Variants in USP14 observed in about 807,000 individuals in gnomAD.
USP14 encodes the protein ubiquitin specific peptidase 14, also known as ubiquitin carboxyl-terminal hydrolase 14.
A neutral mutation model predicts 76.5 loss-of-function variants in USP14; 38 were observed. The observed-to-expected ratio is 0.50, with a 90% CI of 0.38 to 0.65. USP14 has a LOEUF of 0.65. Among genes scored for constraint, USP14 ranks in the 30% least tolerant of loss-of-function variants. USP14 has a pLI of 0.00. For synonymous variants in USP14, 192 were observed against 191.7 expected (o/e 1.00, Z -0.01); for missense variants, 467 against 586.5 (o/e 0.80, Z 2.10).
At chr18:172,045 A>T (rs543716057) in intron 3 of USP14, among the ~76,000 whole-genome samples, 2 of 152,306 alleles carry the variant, frequency 1.3e-5, no homozygotes, top group Admixed American at 1.3e-4. Flanking sequence ...GTTTGAGACC[A>T]GCCTGGGCAA....
rs556281943 is a variant in USP14 at position 204,919 on chromosome 18, T to G, written c.1164+227T>G. Among the ~76,000 whole-genome samples the G allele has an allele frequency of 6.9e-3, 1,039 of 151,550 alleles. 7 individuals carry two copies. The highest frequency in any genetic ancestry group is 0.011 in the Non-Finnish European group (779 of 67,872). ...TTTTATTTTCCTTTTTTTTTTTTTG[T>G]GACAAGGTCTTCCTTTGTCACTCAG... On this transcript the variant is annotated intron_variant, in intron 13 of 15. Transcript: ENST00000261601.
At chr18:173,001 A>G (rs1909507549) in intron 3 of USP14, among the ~76,000 whole-genome samples, 1 of 151,876 alleles carries the variant, frequency 6.6e-6, no homozygotes, top group African/African-American at 2.4e-5. Context: ...GATTTGTACT[A>G]TGTTGTAAGA....
chr18:165,157 G>A (rs1372631867), intron 2 of USP14, among the ~76,000 whole-genome samples: 4 of 151,798 alleles, frequency 2.6e-5, no homozygotes, highest in African/African-American at 7.3e-5. Context: ...CCATGTTGGC[G>A]CTGGTCTCGA....
At chr18:189,117 T>C (rs980939375) in intron 5 of USP14, among the ~76,000 whole-genome samples, 1 of 152,082 alleles carries the variant, frequency 6.6e-6, no homozygotes, top group Non-Finnish European at 1.5e-5. Context: ...TTTTTTTTTG[T>C]ATTTTTATTT....
intron 2 of USP14, among the ~76,000 whole-genome samples, chr18:164,989 CAG>C (rs1294436355): frequency 9.9e-5 from 15 of 152,114 alleles, no homozygotes; most frequent in African/African-American, 2.7e-4. Context: ...CTCTGTCACT[CAG>C]GGGCTGGAGT....
At chr18:165,376 G>A (rs529085197) in intron 2 of USP14, among the ~76,000 whole-genome samples, 62 of 152,244 alleles carry the variant, frequency 4.1e-4, no homozygotes, top group African/African-American at 1.4e-3. Context: ...TAAAACACAC[G>A]TTGGAGGAAA....
intron 10 of USP14, among the ~76,000 whole-genome samples, chr18:202,426 T>G (rs1024343095): frequency 6.6e-6 from 1 of 152,236 alleles, no homozygotes; most frequent in African/African-American, 2.4e-5. Context: ...TTCTGTGTTA[T>G]GACTTTTTTC....
Position 180,311 on chromosome 18 carries a change from G to C in USP14, c.376G>C (p.Val126Leu). The change falls in exon 5 of 16, where the codon GTG becomes CTG. Residue 126 changes from valine to leucine, a missense_variant. By Grantham distance (32) the Val-to-Leu change is conservative (BLOSUM62 1). Transcript: ENST00000261601. ...MNATVQCIRSVPELKDALKRY... is the reference protein window; with the variant it reads ...MNATVQCIRSLPELKDALKRY... ...TGCCACAGTTCAGTGTATTCGTTCT[G>C]TGCCTGAACTCAAAGATGCCCTTAA... 1.3e-6 allele frequency: 2 copies of C among 1,588,182 alleles called. No individual in the cohort carries two copies. Among genetic ancestry groups the C allele is most frequent in the Non-Finnish European group, 1.7e-6 (2 of 1,173,398 alleles).
intron 6 of USP14, among the ~76,000 whole-genome samples, chr18:194,773 A>G (rs1234870637): frequency 1.3e-5 from 2 of 152,124 alleles, no homozygotes; most frequent in Non-Finnish European, 2.9e-5. Context: ...TCTACTAAAA[A>G]TGCAAAAATT....
chr18:196,139 G>A (rs1171909878), intron 6 of USP14, among the ~76,000 whole-genome samples: 1 of 151,904 alleles, frequency 6.6e-6, no homozygotes, highest in African/African-American at 2.4e-5. Context: ...TGGCCAACAT[G>A]GTGAAACCCT....
chr18:158,883 G>A, intron 1 of USP14, 169 bp downstream of exon 1: 1 of 1,115,436 alleles, frequency 9.0e-7, no homozygotes, highest in Non-Finnish European at 1.1e-6. Context: ...TCCCGGCTGG[G>A]TCGGAGCCCT....
chr18:166,863 A>C (rs368615666), intron 3 of USP14, 44 bp downstream of exon 3: 1 of 1,556,872 alleles, frequency 6.4e-7, no homozygotes, highest in Non-Finnish European at 8.8e-7. Flanking sequence ...CAGTAACCTC[A>C]TTATGATACC....
intron 10 of USP14, among the ~76,000 whole-genome samples, chr18:201,532 G>A (rs1486030151): frequency 6.6e-6 from 1 of 152,202 alleles, no homozygotes; most frequent in African/African-American, 2.4e-5. Context: ...TGATACCGAG[G>A]GGAGAGTTTT....
chr18:185,414 C>G (rs977765464), intron 5 of USP14, among the ~76,000 whole-genome samples: 1 of 152,120 alleles, frequency 6.6e-6, no homozygotes, highest in African/African-American at 2.4e-5. Flanking sequence ...CTCAGCCTCC[C>G]AAAGTGCTGG....
intron 3 of USP14, among the ~76,000 whole-genome samples, chr18:174,609 C>CTT (rs112640574): frequency 3.7e-5 from 5 of 134,782 alleles, no homozygotes; most frequent in African/African-American, 1.4e-4. Context: ...ACTTTTCTTT[C>CTT]TTTTTTTTTT....
intron 3 of USP14, among the ~76,000 whole-genome samples, chr18:169,063 C>T (rs1226784015): frequency 2.0e-5 from 3 of 148,402 alleles, no homozygotes; most frequent in Non-Finnish European, 4.4e-5. Flanking sequence ...GGCAACAGAG[C>T]GAGACTCCAT....
In USP14 at chr18:212,430, CCT is replaced by C. The variant is rs1291865767; in HGVS notation, c.*1147_*1148del. ...GACCAGCCTGGCCACATGGTGAAAC[CCT>C]GTCTCTACTAAAGATATAAAAATTA... On this transcript the variant is annotated 3_prime_UTR_variant, in exon 16 of 16. Coordinates refer to ENST00000261601, the MANE Select transcript of USP14 (RefSeq NM_005151.4). The C allele has an allele frequency of 6.6e-6, 1 of 152,074 alleles. No individual in the cohort carries two copies. Among genetic ancestry groups the C allele is most frequent in the Non-Finnish European group, 1.5e-5 (1 of 68,052 alleles). The allele number at this position is 152,074 out of a possible 1,614,324, so 9.4% of individuals were successfully genotyped here.
chr18:213,138 C>T lies in USP14; in HGVS notation c.*1854C>T, dbSNP rs926702500. ...ATGATTCATGTATATTTGTATGATG[C>T]TTGTAACTTTGCAAAGTCTTTTTTA... is the stretch of plus-strand genomic sequence containing the variant. On this transcript the variant is annotated 3_prime_UTR_variant, in exon 16 of 16. Coordinates refer to ENST00000261601, the MANE Select transcript of USP14 (RefSeq NM_005151.4). 6.6e-6 allele frequency: 1 copy of T among 152,068 alleles called. No individual in the cohort carries two copies. Among genetic ancestry groups the T allele is most frequent in the African/African-American group, 2.4e-5 (1 of 41,420 alleles). The allele number at this position is 152,068 out of a possible 1,614,324, so 9.4% of individuals were successfully genotyped here.
intron 5 of USP14, among the ~76,000 whole-genome samples, chr18:185,486 A>G (rs1909904721): frequency 6.6e-6 from 1 of 152,268 alleles, no homozygotes; most frequent in East Asian, 1.9e-4. Flanking sequence ...CTAGCGTCTC[A>G]TTCAGTTCAG....
Sources: allele counts gnomAD v4.1 joint callset (sites outside exome capture counted in the v4.1 genomes callset), GRCh38; gene constraint gnomAD v4.1.1; transcripts MANE v1.5; gene names NCBI Gene and HGNC (gene_info 2026-07-23, HGNC 2026-07-21).